Variants in EPB41L4A observed in about 807,000 individuals in gnomAD.
EPB41L4A encodes the protein erythrocyte membrane protein band 4.1 like 4A, also known as band 4.1-like protein 4A.
EPB41L4A carries 100 observed loss-of-function variants against 108.6 expected under a neutral mutation model. That is an observed-to-expected ratio of 0.92 (90% confidence interval 0.78 to 1.09). EPB41L4A has a LOEUF of 1.09. Among genes scored for constraint, EPB41L4A ranks in the 50% least tolerant of loss-of-function variants. The pLI, the probability that EPB41L4A is intolerant of heterozygous loss-of-function variation, is 0.00. For missense variants in EPB41L4A, 1,030 were observed against 842.7 expected, an observed-to-expected ratio of 1.22 and a Z score of -2.75; for synonymous variants, 319 against 289.0, an observed-to-expected ratio of 1.10 and a Z score of -1.05.
chr5:112,234,822 A>AT, intron 11 of EPB41L4A, 67 bp from the exon 12 acceptor site: 1 of 1,517,278 alleles, frequency 6.6e-7, no homozygotes, highest in Non-Finnish European at 8.9e-7. Context: ...ACAACAGGTC[A>AT]TTCAGAACAT....
intron 12 of EPB41L4A, among the ~76,000 whole-genome samples, chr5:112,226,508 C>T (rs1263646070): frequency 6.6e-6 from 1 of 152,126 alleles, no homozygotes; most frequent in African/African-American, 2.4e-5. Context: ...TAGGGGAAAC[C>T]ACCTTACATA....
intron 13 of EPB41L4A, among the ~76,000 whole-genome samples, chr5:112,208,066 T>C (rs1203024781): frequency 6.6e-6 from 1 of 151,910 alleles, no homozygotes; most frequent in Non-Finnish European, 1.5e-5. Context: ...GCCAACCTGG[T>C]AAAACCCCAT....
chr5:112,237,457 TG>T (rs1290352725), intron 11 of EPB41L4A, among the ~76,000 whole-genome samples: 6 of 152,278 alleles, frequency 3.9e-5, no homozygotes, highest in African/African-American at 1.4e-4. Flanking sequence ...ATCACATATA[TG>T]TATGGTGCAC....
intron 2 of EPB41L4A, among the ~76,000 whole-genome samples, chr5:112,296,508 T>C (rs936812643): frequency 1.2e-4 from 18 of 152,238 alleles, no homozygotes; most frequent in African/African-American, 4.1e-4. Context: ...AGAGTTGGAA[T>C]CATTCCAGGA....
intron 2 of EPB41L4A, among the ~76,000 whole-genome samples, chr5:112,300,740 T>A (rs1226101550): frequency 1.3e-5 from 2 of 152,188 alleles, no homozygotes; most frequent in Non-Finnish European, 2.9e-5. Context: ...AAATATGTTT[T>A]CCAAACTTTT....
At chr5:112,313,318 G>A (rs143210827) in intron 1 of EPB41L4A, among the ~76,000 whole-genome samples, 134 of 152,336 alleles carry the variant, frequency 8.8e-4, no homozygotes, top group African/African-American at 3.0e-3. Flanking sequence ...TAGGGTGGGC[G>A]CGGTGGCTCA....
intron 2 of EPB41L4A, among the ~76,000 whole-genome samples, chr5:112,291,796 G>T (rs1248823022): frequency 1.3e-5 from 2 of 152,196 alleles, no homozygotes; most frequent in Non-Finnish European, 2.9e-5. Flanking sequence ...GGAGGGCATA[G>T]AAGTTCCATG....
chr5:112,275,309 C>A lies in EPB41L4A; in HGVS notation c.335+17G>T. On this transcript the variant is annotated intron_variant, in intron 4 of 22. Coordinates refer to ENST00000261486, the MANE Select transcript of EPB41L4A (RefSeq NM_022140.5). ...TGCAATGCATGTATCTGTTCAAAAA[C>A]AAAGTCAATACTATACCTGGTTATT... 6.5e-7 allele frequency: 1 copy of A among 1,530,682 alleles called. No individual in the cohort carries two copies. The highest frequency in any genetic ancestry group is 1.2e-5 in the South Asian group (1 of 80,756). 94.8% of individuals were successfully genotyped at this position (1,530,682 alleles called of 1,614,324 possible). A position where few individuals can be genotyped will look rare whatever the true frequency, so the allele number is the denominator to read the frequency against.
chr5:112,407,824 C>T (rs932985203), intron 1 of EPB41L4A, among the ~76,000 whole-genome samples: 2 of 152,164 alleles, frequency 1.3e-5, no homozygotes, highest in Non-Finnish European at 2.9e-5. Context: ...CTAAAACAAT[C>T]CTTCAATCAG....
chr5:112,196,633 ACT>A (rs1761978856), intron 15 of EPB41L4A: 1 of 152,016 alleles, frequency 6.6e-6, no homozygotes, highest in South Asian at 2.1e-4. Flanking sequence ...ATGTTCCTCA[ACT>A]CTGTTTTTCA....
chr5:112,198,620 A>T (rs1762077490), intron 15 of EPB41L4A, among the ~76,000 whole-genome samples: 1 of 152,026 alleles, frequency 6.6e-6, no homozygotes, highest in Admixed American at 6.5e-5. Flanking sequence ...AAATTGTATT[A>T]GTTGAATGTT....
Position 112,291,593 on chromosome 5 carries a change from G to C in EPB41L4A, c.205-11270C>G, listed in dbSNP as rs913801437. ...ATCTTCTCCCACCTTTCTGACTGTG[G>C]GTCTTAAGACCTTTCCCTGTGTTCA... is the stretch of plus-strand genomic sequence containing the variant. On this transcript the variant is annotated intron_variant, in intron 2 of 22. Coordinates refer to ENST00000261486, the MANE Select transcript of EPB41L4A (RefSeq NM_022140.5). 2.0e-5 allele frequency among the ~76,000 whole-genome samples: 3 copies of C among 152,072 alleles called. No homozygotes were observed. In the East Asian group the frequency reaches 5.8e-4, roughly 29 times the overall value.
chr5:112,162,522 C>T (rs1039291403), downstream of EPB41L4A: 2 of 152,168 alleles, frequency 1.3e-5, no homozygotes, highest in Non-Finnish European at 2.9e-5. Context: ...GACAGGTGTG[C>T]TTTACTGCAC....
intron 1 of EPB41L4A, among the ~76,000 whole-genome samples, chr5:112,351,192 G>T (rs761116725): frequency 3.9e-5 from 6 of 152,190 alleles, no homozygotes; most frequent in Non-Finnish European, 8.8e-5. Context: ...AAAATGAGAA[G>T]TTGGTTTTTT....
chr5:112,339,423 C>T (rs908018169), intron 1 of EPB41L4A, among the ~76,000 whole-genome samples: 50 of 147,302 alleles, frequency 3.4e-4, no homozygotes, highest in African/African-American at 1.2e-3. Context: ...AATACAGTAA[C>T]AAATAAATAT....
chr5:112,187,727 T>C (rs1761496729), intron 17 of EPB41L4A, among the ~76,000 whole-genome samples: 1 of 152,226 alleles, frequency 6.6e-6, no homozygotes, highest in South Asian at 2.1e-4. Context: ...TTTAGCAGTT[T>C]TGCTCCTAAC....
chr5:112,257,491 G>C (rs997059494), intron 9 of EPB41L4A, among the ~76,000 whole-genome samples: 2 of 152,132 alleles, frequency 1.3e-5, no homozygotes, highest in Non-Finnish European at 2.9e-5. Context: ...AGGGTCATTC[G>C]ATGGAGACTG....
At chr5:112,254,401 G>A (rs1222919862) in intron 9 of EPB41L4A, among the ~76,000 whole-genome samples, 1 of 151,174 alleles carries the variant, frequency 6.6e-6, no homozygotes, top group Non-Finnish European at 1.5e-5. Context: ...CTCCTACTCT[G>A]TCTGCCTCTG....
At chr5:112,387,807 T>C (rs1311877125) in intron 1 of EPB41L4A, among the ~76,000 whole-genome samples, 1 of 152,210 alleles carries the variant, frequency 6.6e-6, no homozygotes, top group Non-Finnish European at 1.5e-5. Flanking sequence ...TAATTGTCCA[T>C]TTTATTAAAA....
Sources: gnomAD v4.1 joint callset for allele counts (sites outside exome capture counted in the v4.1 genomes callset) on GRCh38, gnomAD v4.1.1 for gene constraint, MANE v1.5 for transcripts, NCBI Gene and HGNC (gene_info 2026-07-23, HGNC 2026-07-21) for gene names.